CCDC180: variants seen among roughly 807,000 people sequenced by gnomAD.
CCDC180 encodes coiled-coil domain-containing protein 180.
Under a neutral mutation model 209.2 loss-of-function variants are expected in CCDC180, and 154 were observed. That is an observed-to-expected ratio of 0.74 (90% CI 0.65 to 0.84). The LOEUF is 0.84. Among genes scored for constraint, CCDC180 ranks in the 40% least tolerant of loss-of-function variants. The pLI, the probability that CCDC180 is intolerant of heterozygous loss-of-function variation, is 0.00. For missense variants in CCDC180, 1,874 were observed against 1,997.3 expected (o/e 0.94, Z 1.18); for synonymous variants, 778 against 749.1 (o/e 1.04, Z -0.63).
intron 22 of CCDC180, among the ~76,000 whole-genome samples, chr9:97,351,092 A>G (rs1826409246): frequency 6.6e-6 from 1 of 152,138 alleles, no homozygotes; most frequent in African/African-American, 2.4e-5. Flanking sequence ...TCTTTTGGCT[A>G]TTGTGAATAA....
chr9:97,370,496 C>T, intron 32 of CCDC180, 145 bp from the exon 33 acceptor site: 1 of 900,666 alleles, frequency 1.1e-6, no homozygotes, highest in African/African-American at 1.7e-5. Context: ...CTTAACCCCT[C>T]TGCCACTCTT....
chr9:97,356,415 A>G (rs938589802), intron 24 of CCDC180, among the ~76,000 whole-genome samples: 3 of 152,230 alleles, frequency 2.0e-5, no homozygotes, highest in Non-Finnish European at 4.4e-5. Flanking sequence ...CATCTGTGAA[A>G]TGGGAATCAT....
At chr9:97,339,104 CTTT>C (rs1349157572) in intron 18 of CCDC180, among the ~76,000 whole-genome samples, 1 of 152,122 alleles carries the variant, frequency 6.6e-6, no homozygotes, top group Non-Finnish European at 1.5e-5. Flanking sequence ...GGTCTTGACT[CTTT>C]ATTCAATTTG....
rs112993761 is a variant in CCDC180 at position 97,313,010 on chromosome 9, A to G, written c.350-226A>G. On this transcript the variant is annotated intron_variant, in intron 4 of 36. Transcript: ENST00000529487. The stretch of plus-strand genomic sequence containing the variant: ...TTTAAAAAAACATTCTGTGCATACT[A>G]TTTTGGAACTTTTTCAGCTCTTAAC... Among the ~76,000 whole-genome samples, 4 of 152,098 alleles carry G rather than the reference A, an allele frequency of 2.6e-5. No individual in the cohort carries two copies. In the South Asian group the frequency reaches 8.3e-4, roughly 32 times the overall value.
rs1460390098 is a variant in CCDC180, at chr9:97,312,174, G to A, written c.322G>A (p.Glu108Lys). The change falls in exon 4 of 37, where the codon GAA becomes AAA. Residue 108 changes from glutamate to lysine, a missense_variant. Glu to Lys is a moderately conservative substitution (Grantham distance 56). Coordinates refer to ENST00000529487, the MANE Select transcript of CCDC180 (RefSeq NM_020893.6). ...RESENTIAAREVRGLMDTIVP... is the reference protein window; with the variant it reads ...RESENTIAARKVRGLMDTIVP... Reference sequence around the variant, plus strand: ...GAGTGAGAACACCATCGCTGCCCGAGAAGTGCGGGGTCTCATGGATACTAT... The same window carrying A: ...GAGTGAGAACACCATCGCTGCCCGAAAAGTGCGGGGTCTCATGGATACTAT... 1.9e-6 allele frequency: 3 copies of A among 1,614,108 alleles called. No homozygotes were observed. The highest frequency in any genetic ancestry group is 2.5e-6 in the Non-Finnish European group (3 of 1,179,984).
Position 97,365,729 on chromosome 9 carries a change from C to T in CCDC180, c.4037C>T (p.Thr1346Ile), listed in dbSNP as rs747379413. Reference sequence around the variant, plus strand: ...TGGGAGAGCAGTGAGAACCTGCTGACAGTCGCAGAGGTGAGGACCACCACC... The same window carrying T: ...TGGGAGAGCAGTGAGAACCTGCTGATAGTCGCAGAGGTGAGGACCACCACC... ...LLWESSENLLTVAEEFYRKEK... is the reference protein window; with the variant it reads ...LLWESSENLLIVAEEFYRKEK... The change falls in exon 30 of 37, where the codon ACA becomes ATA. Residue 1346 changes from threonine to isoleucine, a missense_variant. Coordinates refer to ENST00000529487, the MANE Select transcript of CCDC180 (RefSeq NM_020893.6). 12 of 1,613,872 alleles carry T rather than the reference C, an allele frequency of 7.4e-6. No individual in the cohort carries two copies. In the Admixed American group the frequency reaches 1.0e-4, roughly 13 times the overall value.
chr9:97,333,026 T>C (rs1825796130), intron 18 of CCDC180, among the ~76,000 whole-genome samples: 1 of 152,204 alleles, frequency 6.6e-6, no homozygotes, highest in African/African-American at 2.4e-5. Context: ...TCTTACTATT[T>C]TGAAGTATGT....
At chr9:97,339,206 G>A in intron 18 of CCDC180, among the ~76,000 whole-genome samples, 1 of 151,730 alleles carries the variant, frequency 6.6e-6, no homozygotes, top group African/African-American at 2.4e-5. Flanking sequence ...TCATTATGAT[G>A]TTAGCTGGTT....
rs1488916320 is a variant in CCDC180, at chr9:97,325,203, C to G, written c.1545+11C>G. The G allele has an allele frequency of 1.4e-5, 22 of 1,577,984 alleles. No homozygotes were observed. The highest frequency in any genetic ancestry group is 1.8e-5 in the Non-Finnish European group (21 of 1,161,146). ...AGCCTGGAGAGCCAGGTGAGACCCA[C>G]ACCCGGGGCTCCATGTTTCACACCA... On this transcript the variant is annotated intron_variant, in intron 14 of 36. Transcript: ENST00000529487.
chr9:97,323,060 A>G (rs1833409586), intron 12 of CCDC180, 139 bp downstream of exon 12: 1 of 649,144 alleles, frequency 1.5e-6, no homozygotes, highest in Non-Finnish European at 2.7e-6. Context: ...CCTCCATCCA[A>G]GCTTTTCTTC....
At chr9:97,323,235 G>C (rs959780323) in intron 12 of CCDC180, among the ~76,000 whole-genome samples, 1 of 152,174 alleles carries the variant, frequency 6.6e-6, no homozygotes, top group Non-Finnish European at 1.5e-5. Flanking sequence ...GTAAGATGAA[G>C]TGTGCGCTCT....
intron 22 of CCDC180, among the ~76,000 whole-genome samples, chr9:97,351,684 T>C (rs1826424698): frequency 6.7e-6 from 1 of 148,202 alleles, no homozygotes. Flanking sequence ...GAGCAAAAAA[T>C]TGTTAGTTTT....
chr9:97,333,720 A>T (rs893008233), intron 18 of CCDC180, among the ~76,000 whole-genome samples: 1 of 149,466 alleles, frequency 6.7e-6, no homozygotes, highest in African/African-American at 2.5e-5. Flanking sequence ...TTTTTTTTGT[A>T]TTTCTGCGGG....
At chr9:97,336,565 G>C (rs1825909918) in intron 18 of CCDC180, among the ~76,000 whole-genome samples, 1 of 152,166 alleles carries the variant, frequency 6.6e-6, no homozygotes, top group Non-Finnish European at 1.5e-5. Context: ...GATTACTGTA[G>C]CCTTGTAGTA....
intron 18 of CCDC180, among the ~76,000 whole-genome samples, chr9:97,339,223 C>T (rs1402327234): frequency 1.3e-5 from 2 of 152,124 alleles, no homozygotes; most frequent in Non-Finnish European, 2.9e-5. Context: ...GGTTATTTTG[C>T]CCATTAGTTG....
intron 5 of CCDC180, 26 bp downstream of exon 5, chr9:97,313,371 T>TA: frequency 6.6e-7 from 1 of 1,525,186 alleles, no homozygotes; most frequent in South Asian, 1.1e-5. Flanking sequence ...CTCCCTTCTC[T>TA]TCCCTTCCTG....
intron 12 of CCDC180, 80 bp from the exon 13 acceptor site, chr9:97,323,701 G>C (rs112043433): frequency 6.8e-7 from 1 of 1,463,392 alleles, no homozygotes; most frequent in Non-Finnish European, 9.1e-7. Flanking sequence ...CTTGTGCAAC[G>C]CTGAGGCCTG....
In CCDC180 at chr9:97,347,383, C is replaced by A. The variant is rs747827274; in HGVS notation, c.2568C>A (p.Thr856=). ...FDQCSLNTRV[T]VATKINELDS... ...AGTGTTCCCTCAACACCCGGGTCAC[C>A]GTGGCCACCAAAATCAATGAGCTGG... Residue 856 remains threonine (T), a synonymous_variant, in exon 20 of 37, where the codon ACC becomes ACA. Coordinates refer to ENST00000529487, the MANE Select transcript of CCDC180 (RefSeq NM_020893.6). 4 of 1,536,006 alleles carry A rather than the reference C, an allele frequency of 2.6e-6. No individual in the cohort carries two copies. Among genetic ancestry groups the A allele is most frequent in the Non-Finnish European group, 3.5e-6 (4 of 1,146,916 alleles).
At chr9:97,317,291 G>A (rs981647937) in intron 9 of CCDC180, 63 bp downstream of exon 9, 31 of 1,377,204 alleles carry the variant, frequency 2.3e-5, no homozygotes, top group African/African-American at 5.8e-5. Context: ...GGGTAGGGGC[G>A]GCATTCTCCC....
Sources: gnomAD v4.1 joint callset for allele counts (sites outside exome capture counted in the v4.1 genomes callset) on GRCh38, gnomAD v4.1.1 for gene constraint, MANE v1.5 for transcripts, NCBI Gene and HGNC (gene_info 2026-07-23, HGNC 2026-07-21) for gene names.